The following UBE2O variants were observed in gnomAD, a reference collection of about 807,000 sequenced individuals.
UBE2O encodes the protein ubiquitin conjugating enzyme E2 O, also known as (E3-independent) E2 ubiquitin-conjugating enzyme.
A neutral mutation model predicts 125.8 loss-of-function variants in UBE2O; 15 were observed. That is an observed-to-expected ratio of 0.12 (90% CI 0.08 to 0.18). The LOEUF is 0.18. Ranked by LOEUF, UBE2O falls within the 10% of genes least tolerant of loss-of-function variation. The pLI, the probability that UBE2O is intolerant of heterozygous loss-of-function variation, is 1.00. For missense variants in UBE2O, 1,280 were observed against 1,723.6 expected (o/e 0.74, Z 4.56); for synonymous variants, 708 against 703.2 (o/e 1.01, Z -0.11).
Position 76,410,911 on chromosome 17 carries a change from C to A in UBE2O, c.418-5339G>T, listed in dbSNP as rs1404132803. Among the ~76,000 whole-genome samples the A allele has an allele frequency of 6.6e-6, 1 of 152,194 alleles. No individual in the cohort carries two copies. The highest frequency in any genetic ancestry group is 1.5e-5 in the Non-Finnish European group (1 of 68,028). On this transcript the variant is annotated intron_variant, in intron 1 of 17. Transcript: ENST00000319380. The surrounding 1 kb of genome is among the most constrained non-coding windows in gnomAD (Gnocchi z 4.0). Reference sequence around the variant, plus strand: ...CTCTCATTCATAACACTGACCTTGACTGACCAGGTGGAATCCAAATTCACT... The same window carrying A: ...CTCTCATTCATAACACTGACCTTGAATGACCAGGTGGAATCCAAATTCACT...
chr17:76,448,073 A>G (rs140399157), intron 1 of UBE2O, among the ~76,000 whole-genome samples: 1 of 152,278 alleles, frequency 6.6e-6, no homozygotes, highest in Non-Finnish European at 1.5e-5. Context: ...CAGGAAGAGC[A>G]CCCAAGGGTT....
At chr17:76,401,793 T>C (rs1259702747) in intron 5 of UBE2O, 1 of 262,038 alleles carries the variant, frequency 3.8e-6, no homozygotes, top group African/African-American at 2.3e-5. Flanking sequence ...AAAGAATCAC[T>C]TGAACCCGGG....
At chr17:76,433,276 G>A (rs758784960) in intron 1 of UBE2O, among the ~76,000 whole-genome samples, 3 of 150,158 alleles carry the variant, frequency 2.0e-5, no homozygotes, top group Non-Finnish European at 4.4e-5. Flanking sequence ...AACAAATGAA[G>A]TACTGATACA....
At position 76,448,729 on chromosome 17, in the gene UBE2O, G is replaced by A. The variant is rs548630700; in HGVS notation, c.417+3996C>T. On this transcript the variant is annotated intron_variant, in intron 1 of 17. Coordinates refer to ENST00000319380, the MANE Select transcript of UBE2O (RefSeq NM_022066.4). ...GACAGCAGTCCTGCTCCCTTACCTC[G>A]CAGGGGGCTGTTCTGCCCAACCATG... 3.9e-5 allele frequency among the ~76,000 whole-genome samples: 6 copies of A among 152,374 alleles called. No homozygotes were observed. The East Asian group carries it at 5.8e-4, about 15-fold the overall frequency.
chr17:76,397,796 C>T lies in UBE2O; in HGVS notation c.2115+3G>A, dbSNP rs377282089. On this transcript the variant is annotated splice_donor_region_variant and intron_variant, in intron 13 of 17. Transcript: ENST00000319380. Reference sequence around the variant, plus strand: ...CAGCAGGGGGGTCTTGCCAGAGCCTCACCTGGGGCAGGATGATGGTCTTTG... The same window carrying T: ...CAGCAGGGGGGTCTTGCCAGAGCCTTACCTGGGGCAGGATGATGGTCTTTG... The T allele has an allele frequency of 8.7e-6, 14 of 1,614,068 alleles. No homozygotes were observed. Among genetic ancestry groups the T allele is most frequent in the Admixed American group, 1.7e-5 (1 of 60,014 alleles).
In UBE2O at chr17:76,414,753, C is replaced by T. The variant is rs140317141; in HGVS notation, c.418-9181G>A. ...CTGCAGAGCTTGGCCTGGCAGGGGG[C>T]CAGCGGGCTGGTCTCTGCAGATGCT... On this transcript the variant is annotated intron_variant, in intron 1 of 17. Transcript: ENST00000319380. Among the ~76,000 whole-genome samples, 856 of 152,320 alleles carry T rather than the reference C, an allele frequency of 5.6e-3. 8 individuals carry two copies. Among genetic ancestry groups the T allele is most frequent in the African/African-American group, 0.019 (791 of 41,556 alleles).
Position 76,397,814 on chromosome 17 carries a change from G to A in UBE2O, c.2100C>T (p.Thr700=), listed in dbSNP as rs760354261. The change falls in exon 13 of 18, where the codon ACC becomes ACT. Residue 700 remains threonine, a synonymous_variant. Coordinates refer to ENST00000319380, the MANE Select transcript of UBE2O (RefSeq NM_022066.4). ...AGAGCCTCACCTGGGGCAGGATGAT[G>A]GTCTTTGAGTTGTCAGCCCACACCA... ...VEVVWADNSK[T]IILPQHLYNI... is the part of the protein sequence containing the mutation. 103 of 1,614,200 alleles carry A rather than the reference G, an allele frequency of 6.4e-5. No individual in the cohort carries two copies. The Middle Eastern group carries it at 9.9e-4, about 16-fold the overall frequency.
chr17:76,426,661 C>G (rs1039932074), intron 1 of UBE2O, among the ~76,000 whole-genome samples: 2 of 152,214 alleles, frequency 1.3e-5, no homozygotes, highest in African/African-American at 4.8e-5. Flanking sequence ...AATATCCCTC[C>G]TACACTTCCC....
intron 1 of UBE2O, among the ~76,000 whole-genome samples, chr17:76,430,002 T>C (rs529537234): frequency 6.6e-6 from 1 of 152,338 alleles, no homozygotes; most frequent in Non-Finnish European, 1.5e-5. Flanking sequence ...ATACAGACTG[T>C]CAACTAATCA....
At chr17:76,432,368 T>C (rs1567851566) in intron 1 of UBE2O, among the ~76,000 whole-genome samples, 1 of 152,194 alleles carries the variant, frequency 6.6e-6, no homozygotes. Context: ...AAGAAATAGA[T>C]TGTATGGTCT....
At chr17:76,426,153 A>C (rs921137781) in intron 1 of UBE2O, among the ~76,000 whole-genome samples, 2 of 152,130 alleles carry the variant, frequency 1.3e-5, no homozygotes, top group Non-Finnish European at 2.9e-5. Context: ...CAGATGCACA[A>C]CACCACACTT....
chr17:76,427,192 CTCTTT>C (rs1441811786), intron 1 of UBE2O, among the ~76,000 whole-genome samples: 5 of 152,176 alleles, frequency 3.3e-5, no homozygotes, highest in African/African-American at 1.2e-4. Context: ...TCACAAGCAT[CTCTTT>C]TATCTCTGCA....
At position 76,391,209 on chromosome 17, in the gene UBE2O, C is replaced by T; in HGVS notation, c.3613G>A (p.Ala1205Thr). The change falls in exon 18 of 18, where the codon GCC becomes ACC. Residue 1205 changes from alanine to threonine, a missense_variant. Coordinates refer to ENST00000319380, the MANE Select transcript of UBE2O (RefSeq NM_022066.4). The surrounding 1 kb of genome is among the most constrained non-coding windows in gnomAD (Gnocchi z 8.4). ...ASQGSDSEGG[A>T]QGLASASRDH... is the part of the protein sequence containing the mutation. The stretch of plus-strand genomic sequence containing the variant: ...CTGCTAGCTGAGGCCAGGCCCTGGG[C>T]ACCGCCCTCTGAGTCTGAGCCCTGG... 1 of 1,613,150 alleles carries T rather than the reference C, an allele frequency of 6.2e-7. No individual in the cohort carries two copies. The highest frequency in any genetic ancestry group is 8.5e-7 in the Non-Finnish European group (1 of 1,179,414).
chr17:76,400,545 C>G lies in UBE2O; in HGVS notation c.900G>C (p.Gln300His). 1 of 1,610,880 alleles carries G rather than the reference C, an allele frequency of 6.2e-7. No individual in the cohort carries two copies. Among genetic ancestry groups the G allele is most frequent in the Non-Finnish European group, 8.5e-7 (1 of 1,178,370 alleles). The change falls in exon 7 of 18, where the codon CAG becomes CAC. Residue 300 changes from glutamine to histidine, a missense_variant. Physicochemically the swap from Gln to His is conservative, Grantham distance 24. This residue lies in a region of UBE2O where 206 missense variants were observed against 315.7 expected (regional missense o/e 0.65). Coordinates refer to ENST00000319380, the MANE Select transcript of UBE2O (RefSeq NM_022066.4). The surrounding 1 kb of genome is among the most constrained non-coding windows in gnomAD (Gnocchi z 4.3). ...TCCATGTAACTTTCAACTCTACAAC[C>G]TGCACCTGGGGATGGCAGGTGGGAC... is the stretch of plus-strand genomic sequence containing the variant. The part of the protein sequence containing the change: ...SKFRVVVEEV[Q>H]VVELKVTWIT...
chr17:76,411,962 C>T (rs527781513), intron 1 of UBE2O, among the ~76,000 whole-genome samples: 4 of 152,156 alleles, frequency 2.6e-5, no homozygotes, highest in East Asian at 1.9e-4. Flanking sequence ...GGATTACAGG[C>T]GTGAGCCACT....
chr17:76,420,726 C>T (rs113000996), intron 1 of UBE2O, among the ~76,000 whole-genome samples: 1,615 of 152,310 alleles, frequency 0.011, 29 homozygotes, highest in African/African-American at 0.033. Context: ...AGACACAAGA[C>T]GTCCTGGGAT....
Position 76,402,995 on chromosome 17 carries a change from GGGACATCCATGGACACA to G in UBE2O, c.589-313_589-297del, listed in dbSNP as rs2072354969. Among the ~76,000 whole-genome samples the G allele has an allele frequency of 6.6e-6, 1 of 152,182 alleles. No individual in the cohort carries two copies. Among genetic ancestry groups the G allele is most frequent in the African/African-American group, 2.4e-5 (1 of 41,442 alleles). On this transcript the variant is annotated intron_variant, in intron 3 of 17. Coordinates refer to ENST00000319380, the MANE Select transcript of UBE2O (RefSeq NM_022066.4). This position sits in a 1 kb window ranked among gnomAD's most constrained non-coding sequence, Gnocchi z 5.4. ...GAGGCCTGATGGCATCCATGGACAT[GGGACATCCATGGACACA>G]GGACACCTGGCAAAGTAGGCTGTGG...
rs1469653189 is a variant in UBE2O, at chr17:76,391,166, G to A, written c.3656C>T (p.Thr1219Ile). Residue 1219 changes from threonine (T) to isoleucine (I), a missense_variant, in exon 18 of 18, where the codon ACT becomes ATT. Coordinates refer to ENST00000319380, the MANE Select transcript of UBE2O (RefSeq NM_022066.4). This position sits in a 1 kb window ranked among gnomAD's most constrained non-coding sequence, Gnocchi z 8.4. ...CGATGCGTCTGGTGCGGTCTCCGAA[G>A]TCTGGTCTGTGTGGTCCCTGCTAGC... The part of the protein sequence containing the change: ...ASASRDHTDQ[T>I]SETAPDASVP... The A allele has an allele frequency of 6.2e-7, 1 of 1,613,672 alleles. No individual in the cohort carries two copies. The highest frequency in any genetic ancestry group is 2.2e-5 in the East Asian group (1 of 44,878).
chr17:76,439,012 T>C (rs756694402), intron 1 of UBE2O, among the ~76,000 whole-genome samples: 30 of 152,316 alleles, frequency 2.0e-4, no homozygotes, highest in Non-Finnish European at 4.3e-4. Flanking sequence ...TAAACTCTGA[T>C]GTAAGTCCTC....
Sources: gnomAD v4.1 joint callset for allele counts (sites outside exome capture counted in the v4.1 genomes callset) on GRCh38, gnomAD v4.1.1 for gene constraint, gnomAD v4.1.1 regional missense constraint, Gnocchi (gnomAD v3.1) non-coding constraint, MANE v1.5 for transcripts, NCBI Gene and HGNC (gene_info 2026-07-23, HGNC 2026-07-21) for gene names.